Variants in PSG1 observed in about 807,000 individuals in gnomAD.
PSG1 encodes pregnancy-specific beta-1-glycoprotein 1.
PSG1 carries 60 observed loss-of-function variants against 41.4 expected under a neutral mutation model. The ratio of observed to expected loss-of-function variants is 1.45; its 90% CI spans 1.18 to 1.80. The LOEUF is 1.80. PSG1 is among the 40% of genes most tolerant of loss of function. The pLI is 0.00. For missense variants in PSG1, 806 were observed against 516.9 expected (o/e 1.56, Z -5.42); for synonymous variants, 256 against 192.9 (o/e 1.33, Z -2.71).
chr19:42,872,709 A>G (rs1351518206), intron 2 of PSG1, among the ~76,000 whole-genome samples: 1 of 151,698 alleles, frequency 6.6e-6, no homozygotes, highest in Non-Finnish European at 1.5e-5. Flanking sequence ...AATGACCTAC[A>G]AAGAGTGAAG....
At chr19:42,876,478 C>G (rs1042688821) in intron 2 of PSG1, among the ~76,000 whole-genome samples, 3 of 151,408 alleles carry the variant, frequency 2.0e-5, no homozygotes, top group Admixed American at 6.6e-5. Flanking sequence ...GATTCTGCAT[C>G]CAAGATCCAA....
Position 42,868,426 on chromosome 19 carries a change from G to A in PSG1, c.989-71C>T. 1.3e-6 allele frequency: 2 copies of A among 1,494,514 alleles called. 1 individual carries two copies. The highest frequency in any genetic ancestry group is 4.6e-5 in the East Asian group (2 of 43,682). 92.6% of individuals were successfully genotyped at this position (1,494,514 alleles called of 1,614,324 possible). A position where few individuals can be genotyped will look rare whatever the true frequency, so the allele number is the denominator to read the frequency against. ...GGGGATGTTCCTGGTCTCTTAAAGG[G>A]ACACAGTGACCCTCTGAGCCAAGAC... On this transcript the variant is annotated intron_variant, in intron 4 of 5. Coordinates refer to ENST00000436291, the MANE Select transcript of PSG1 (RefSeq NM_001184825.2).
At chr19:42,879,429 C>A in intron 1 of PSG1, 89 bp downstream of exon 1, 1 of 1,560,656 alleles carries the variant, frequency 6.4e-7, no homozygotes, top group East Asian at 2.3e-5. Flanking sequence ...TGGCTTCTTT[C>A]ATTTTTTAGA....
At position 42,866,582 on chromosome 19, in the gene PSG1, T is replaced by G; in HGVS notation, c.*552A>C. On this transcript the variant is annotated 3_prime_UTR_variant, in exon 6 of 6. Coordinates refer to ENST00000436291, the MANE Select transcript of PSG1 (RefSeq NM_001184825.2). ...AATGTGGATTTAAAGGGGACTCTAT[T>G]ATAATTTCAGCTTTCCTACGTCTTC... The G allele has an allele frequency of 2.0e-5, 4 of 203,172 alleles. No individual in the cohort carries two copies. The highest frequency in any genetic ancestry group is 4.0e-5 in the Non-Finnish European group (4 of 99,092). The allele number at this position is 203,172 out of a possible 1,614,324, so 12.6% of individuals were successfully genotyped here. A position where few individuals can be genotyped will look rare whatever the true frequency, so the allele number is the denominator to read the frequency against.
At chr19:42,876,141 G>A (rs1481605886) in intron 2 of PSG1, among the ~76,000 whole-genome samples, 2 of 151,450 alleles carry the variant, frequency 1.3e-5, no homozygotes, top group Non-Finnish European at 2.9e-5. Context: ...TCTAGGGAAG[G>A]CCTAGAGGTG....
chr19:42,876,344 G>C (rs376143461), intron 2 of PSG1, among the ~76,000 whole-genome samples: 3 of 151,264 alleles, frequency 2.0e-5, no homozygotes, highest in Admixed American at 6.6e-5. Context: ...AGAACCCTCC[G>C]GTGGCTTAAG....
intron 2 of PSG1, chr19:42,876,679 G>C (rs1449411265): frequency 5.0e-6 from 1 of 198,424 alleles, no homozygotes; most frequent in African/African-American, 2.4e-5. Context: ...CAGGATTTCA[G>C]GTTCAGTGAT....
chr19:42,877,135 A>T (rs575209763), intron 2 of PSG1, among the ~76,000 whole-genome samples: 31 of 151,822 alleles, frequency 2.0e-4, no homozygotes, highest in African/African-American at 7.2e-4. Flanking sequence ...AGCATTTATT[A>T]TTAATTTGCT....
chr19:42,878,481 A>G, intron 1 of PSG1: 1 of 952,694 alleles, frequency 1.0e-6, no homozygotes, highest in South Asian at 2.3e-5. Context: ...CTACTGTCCT[A>G]CTAGGTCAAG....
chr19:42,879,640 C>G lies in PSG1; in HGVS notation c.-59G>C, dbSNP rs1177060309. ...GATAAGCCTAGGATCCAGAAACTCTCTGAGCACGGCTGTCAGCTGTGCTGT... is the reference window on the plus strand; with the variant it reads ...GATAAGCCTAGGATCCAGAAACTCTGTGAGCACGGCTGTCAGCTGTGCTGT... On this transcript the variant is annotated 5_prime_UTR_variant, in exon 1 of 6. Coordinates refer to ENST00000436291, the MANE Select transcript of PSG1 (RefSeq NM_001184825.2). 6.3e-7 allele frequency: 1 copy of G among 1,594,116 alleles called. No individual in the cohort carries two copies. The highest frequency in any genetic ancestry group is 8.6e-7 in the Non-Finnish European group (1 of 1,166,628).
chr19:42,876,123 A>C (rs2122548570), intron 2 of PSG1, among the ~76,000 whole-genome samples: 1 of 151,442 alleles, frequency 6.6e-6, no homozygotes, highest in South Asian at 2.1e-4. Flanking sequence ...GAGTGGTTAG[A>C]GGGAGTGTCT....
intron 3 of PSG1, among the ~76,000 whole-genome samples, chr19:42,871,553 C>A (rs948429698): frequency 6.6e-6 from 1 of 151,620 alleles, no homozygotes; most frequent in African/African-American, 2.4e-5. Flanking sequence ...AGCTGTGGAC[C>A]CTGAGTCTCC....
Position 42,867,481 on chromosome 19 carries a change from C to T in PSG1, c.1244-331G>A, listed in dbSNP as rs1421657613. ...AAGCCAAACCAAGGCTGACTTCAGA[C>T]TTTGCCTGCAGTTCATATTGGTTCA... On this transcript the variant is annotated intron_variant, in intron 5 of 5. Coordinates refer to ENST00000436291, the MANE Select transcript of PSG1 (RefSeq NM_001184825.2). 2.2e-5 allele frequency: 13 copies of T among 581,152 alleles called. 1 individual carries two copies. In the Admixed American group the frequency reaches 4.0e-4, roughly 18 times the overall value. 36.0% of individuals were successfully genotyped at this position (581,152 alleles called of 1,614,324 possible).
In PSG1 at chr19:42,871,971, A is replaced by G. The variant is rs1233551391; in HGVS notation, c.505T>C (p.Cys169Arg). The change falls in exon 3 of 6, where the codon TGT (cysteine) becomes CGT (arginine). Residue 169 changes from cysteine to arginine, a missense_variant. Coordinates refer to ENST00000436291, the MANE Select transcript of PSG1 (RefSeq NM_001184825.2). ...CTTGCGTCTGGAGTCTCAGGGTCAC[A>G]GGTTAAGCTCACAGCCTCCATGGTC... ...RETMEAVSLT[C>R]DPETPDASYL... 6.2e-7 allele frequency: 1 copy of G among 1,612,498 alleles called. No homozygotes were observed. The highest frequency in any genetic ancestry group is 1.3e-5 in the African/African-American group (1 of 74,806).
At chr19:42,875,533 C>T (rs191003217) in intron 2 of PSG1, among the ~76,000 whole-genome samples, 45 of 151,706 alleles carry the variant, frequency 3.0e-4, no homozygotes, top group African/African-American at 8.7e-4. Flanking sequence ...TCATCCATAC[C>T]TATGACTAAT....
rs578046047 is a variant in PSG1, at chr19:42,871,264, C to T, written c.709+503G>A. Among the ~76,000 whole-genome samples, 14 of 151,774 alleles carry T rather than the reference C, an allele frequency of 9.2e-5. 1 individual carries two copies. In the South Asian group the frequency reaches 2.7e-3, roughly 30 times the overall value. ...TTCCCAGCAATCAGCCAAGAATGCT[C>T]TGCCAGTGGATGGAGTCTGTGAGGC... On this transcript the variant is annotated intron_variant, in intron 3 of 5. Coordinates refer to ENST00000436291, the MANE Select transcript of PSG1 (RefSeq NM_001184825.2).
In PSG1 at chr19:42,866,818, G is replaced by C. The variant is rs1971155192; in HGVS notation, c.*316C>G. The C allele has an allele frequency of 1.7e-6, 1 of 584,042 alleles. No homozygotes were observed. The highest frequency in any genetic ancestry group is 2.9e-5 in the Admixed American group (1 of 34,158). 36.2% of individuals were successfully genotyped at this position (584,042 alleles called of 1,614,324 possible). A position where few individuals can be genotyped will look rare whatever the true frequency, so the allele number is the denominator to read the frequency against. On this transcript the variant is annotated 3_prime_UTR_variant, in exon 6 of 6. Transcript: ENST00000436291. ...GACTGCATTATCCTGCCAAGTGAAA[G>C]AGGCAGGCATGAGCAAGGACAGTTA...
chr19:42,872,905 G>T (rs1407820661), intron 2 of PSG1, among the ~76,000 whole-genome samples: 1 of 151,768 alleles, frequency 6.6e-6, no homozygotes, highest in Admixed American at 6.6e-5. Context: ...CGGAAGTCTG[G>T]CCCTCATGGA....
intron 2 of PSG1, among the ~76,000 whole-genome samples, chr19:42,873,182 C>G (rs1431648658): frequency 6.6e-6 from 1 of 151,702 alleles, no homozygotes; most frequent in Non-Finnish European, 1.5e-5. Context: ...GCCTATACTT[C>G]ATACAGATAA....
Sources: gnomAD v4.1 joint callset for allele counts (sites outside exome capture counted in the v4.1 genomes callset) on GRCh38, gnomAD v4.1.1 for gene constraint, MANE v1.5 for transcripts, NCBI Gene and HGNC (gene_info 2026-07-23, HGNC 2026-07-21) for gene names.